LRIG2: variants seen among roughly 807,000 people sequenced by gnomAD.
The protein encoded by LRIG2 is leucine-rich repeats and immunoglobulin-like domains protein 2.
LRIG2 carries 93 observed loss-of-function variants against 107.8 expected under a neutral mutation model. The observed-to-expected ratio is 0.86, with a 90% confidence interval of 0.73 to 1.03. The LOEUF (loss-of-function observed/expected upper bound fraction) is 1.03, where lower values mean the gene tolerates loss of function less well. LRIG2 is among the 50% of genes least tolerant of loss of function. The pLI, the probability that LRIG2 is intolerant of heterozygous loss-of-function variation, is 0.00. For synonymous variants in LRIG2, 471 were observed against 470.6 expected (o/e 1.00, Z -0.01); for missense variants, 1,226 against 1,296.0 (o/e 0.95, Z 0.83).
intron 10 of LRIG2, 57 bp downstream of exon 10, chr1:113,100,339 G>A (rs1654253690): frequency 4.1e-6 from 6 of 1,468,662 alleles, no homozygotes; most frequent in Non-Finnish European, 4.7e-6. Flanking sequence ...TATTAGCAGA[G>A]GTTTTCATGA....
chr1:113,095,707 A>G (rs1654031309), intron 6 of LRIG2, among the ~76,000 whole-genome samples, 167 bp from the exon 7 acceptor site: 1 of 152,168 alleles, frequency 6.6e-6, no homozygotes, highest in African/African-American at 2.4e-5. Context: ...GTGCCCGGCC[A>G]AGCACTAAAT....
At chr1:113,100,180 G>C in intron 9 of LRIG2, 31 bp from the exon 10 acceptor site, 1 of 1,342,118 alleles carries the variant, frequency 7.5e-7, no homozygotes, top group Admixed American at 2.1e-5. Context: ...TTAGTGGAGA[G>C]CTTTCTTAGA....
chr1:113,110,665 A>G (rs930885143), intron 13 of LRIG2, 103 bp downstream of exon 13: 73 of 827,420 alleles, frequency 8.8e-5, no homozygotes, highest in Non-Finnish European at 1.2e-4. Flanking sequence ...TTTAAGTAGG[A>G]CTCTTACTGT....
chr1:113,111,474 G>A (rs1056255753), intron 13 of LRIG2, among the ~76,000 whole-genome samples: 2 of 151,998 alleles, frequency 1.3e-5, no homozygotes, highest in Non-Finnish European at 2.9e-5. Flanking sequence ...CCTAGCCCCC[G>A]CTCACCCTCT....
chr1:113,110,076 T>TC (rs1247817111), intron 12 of LRIG2, among the ~76,000 whole-genome samples, 166 bp from the exon 13 acceptor site: 1 of 152,138 alleles, frequency 6.6e-6, no homozygotes, highest in Non-Finnish European at 1.5e-5. Flanking sequence ...GGGCCTCATT[T>TC]CCCCCATCTT....
chr1:113,129,328 A>AAAAG lies in LRIG2; in HGVS notation c.*5227_*5228insAAAG, dbSNP rs57453736. On this transcript the variant is annotated 3_prime_UTR_variant, in exon 18 of 18. Transcript: ENST00000361127. ...CCGTCTCAAAAAAAAAAAAAAAAAAACCCGTGTAGGAGTACTGCCTCTCTG... is the reference window on the plus strand; with the variant it reads ...CCGTCTCAAAAAAAAAAAAAAAAAAAAAAGCCCGTGTAGGAGTACTGCCTCTCTG... 6.7e-6 allele frequency: 1 copy of AAAAG among 149,432 alleles called. No individual in the cohort carries two copies. The highest frequency in any genetic ancestry group is 6.7e-5 in the Admixed American group (1 of 14,914). 9.3% of individuals were successfully genotyped at this position (149,432 alleles called of 1,614,324 possible).
At chr1:113,086,179 A>C (rs1427419813) in intron 1 of LRIG2, among the ~76,000 whole-genome samples, 2 of 151,644 alleles carry the variant, frequency 1.3e-5, no homozygotes, top group African/African-American at 4.8e-5. Flanking sequence ...AATTTTTTAT[A>C]TTTTTAGTAG....
At chr1:113,082,258 C>G (rs1414331750) in intron 1 of LRIG2, among the ~76,000 whole-genome samples, 2 of 152,144 alleles carry the variant, frequency 1.3e-5, no homozygotes, top group Admixed American at 1.3e-4. Flanking sequence ...ATCTTCAAGA[C>G]ATTTTTGTTA....
Position 113,129,750 on chromosome 1 carries a change from T to C in LRIG2, c.*5649T>C, listed in dbSNP as rs1263240846. The C allele has an allele frequency of 6.6e-6, 1 of 152,166 alleles. No homozygotes were observed. Among genetic ancestry groups the C allele is most frequent in the Admixed American group, 6.5e-5 (1 of 15,272 alleles). 9.4% of individuals were successfully genotyped at this position (152,166 alleles called of 1,614,324 possible). A position where few individuals can be genotyped will look rare whatever the true frequency, so the allele number is the denominator to read the frequency against. The stretch of plus-strand genomic sequence containing the variant: ...CCCTAATGACCACTTTCAGGAGGAA[T>C]ACATACATTCTCTTGATTTGTTTGT... On this transcript the variant is annotated 3_prime_UTR_variant, in exon 18 of 18. Transcript: ENST00000361127.
chr1:113,104,021 C>T (rs4521992), intron 11 of LRIG2, among the ~76,000 whole-genome samples: 2,490 of 152,268 alleles, frequency 0.016, 28 homozygotes, highest in Non-Finnish European at 0.026. Flanking sequence ...GCATCTGAAT[C>T]CCCTCTGTTT....
intron 1 of LRIG2, among the ~76,000 whole-genome samples, chr1:113,078,266 T>C (rs1653084872): frequency 6.6e-6 from 1 of 150,392 alleles, no homozygotes; most frequent in Non-Finnish European, 1.5e-5. Context: ...TCAGATGGAG[T>C]CTTGCTGTGT....
In LRIG2 at chr1:113,130,507, G is replaced by C. The variant is rs1283366891; in HGVS notation, c.*6406G>C. Reference sequence around the variant, plus strand: ...TACTTGCTAATAAATTTTTGTGTAGGCTCTTTAGTAAATTTATCTGATAAT... The same window carrying C: ...TACTTGCTAATAAATTTTTGTGTAGCCTCTTTAGTAAATTTATCTGATAAT... On this transcript the variant is annotated 3_prime_UTR_variant, in exon 18 of 18. Transcript: ENST00000361127. 6.6e-6 allele frequency: 1 copy of C among 152,098 alleles called. No individual in the cohort carries two copies. The highest frequency in any genetic ancestry group is 2.4e-5 in the African/African-American group (1 of 41,396). 9.4% of individuals were successfully genotyped at this position (152,098 alleles called of 1,614,324 possible). A position where few individuals can be genotyped will look rare whatever the true frequency, so the allele number is the denominator to read the frequency against.
In LRIG2 at chr1:113,119,522, T is replaced by C. The variant is rs1570775150; in HGVS notation, c.2970T>C (p.Gly990=). The C allele has an allele frequency of 3.7e-6, 6 of 1,611,550 alleles. No homozygotes were observed. The highest frequency in any genetic ancestry group is 4.2e-6 in the Non-Finnish European group (5 of 1,178,954). Residue 990 remains glycine (G), a splice_region_variant and synonymous_variant, in exon 17 of 18, where the codon GGT becomes GGC. Coordinates refer to ENST00000361127, the MANE Select transcript of LRIG2 (RefSeq NM_014813.3). ...EKKLPSTQMS[G]ETLQRPVWNI... ...AACTTCCCTCCACACAGATGAGCGGTGGTAAGGGATGTATTTTTGTTGTTA... is the reference window on the plus strand; with the variant it reads ...AACTTCCCTCCACACAGATGAGCGGCGGTAAGGGATGTATTTTTGTTGTTA...
intron 8 of LRIG2, 48 bp from the exon 9 acceptor site, chr1:113,098,657 A>G (rs1400189617): frequency 9.1e-7 from 1 of 1,104,916 alleles, no homozygotes; most frequent in Non-Finnish European, 1.4e-6. Flanking sequence ...CAATGTTGTG[A>G]TGGTTGTATT....
chr1:113,119,128 C>T (rs1295716982), intron 16 of LRIG2, 105 bp from the exon 17 acceptor site: 2 of 1,016,654 alleles, frequency 2.0e-6, no homozygotes, highest in Non-Finnish European at 2.9e-6. Context: ...AGTAAGTGCT[C>T]AATACATGCT....
chr1:113,093,432 T>A lies in LRIG2; in HGVS notation c.383T>A (p.Val128Asp). The change falls in exon 4 of 18, where the codon GTC (valine) becomes GAC (aspartate). Residue 128 changes from valine to aspartate, a missense_variant and splice_region_variant. Transcript: ENST00000361127. ...PTSNITLLSLVHNIIPEINAQ... is the reference protein window; with the variant it reads ...PTSNITLLSLDHNIIPEINAQ... ...TCATTATAATCTTTGTTTTACAGAGTCCATAATATAATCCCAGAAATAAAT... is the reference window on the plus strand; with the variant it reads ...TCATTATAATCTTTGTTTTACAGAGACCATAATATAATCCCAGAAATAAAT... 6.2e-7 allele frequency: 1 copy of A among 1,613,854 alleles called. No homozygotes were observed.
rs144381457 is a variant in LRIG2, at chr1:113,086,196, G to T, written c.240-5122G>T. ...TTTTTTATATTTTTAGTAGAAATGG[G>T]GTTTCACCATGTTGGCAAGGCTGGT... On this transcript the variant is annotated intron_variant, in intron 1 of 17. Coordinates refer to ENST00000361127, the MANE Select transcript of LRIG2 (RefSeq NM_014813.3). Among the ~76,000 whole-genome samples the T allele has an allele frequency of 9.7e-4, 147 of 151,784 alleles. 1 individual carries two copies. The highest frequency in any genetic ancestry group is 3.1e-3 in the African/African-American group (128 of 41,380).
rs758638950 is a variant in LRIG2, at chr1:113,073,467, CT to C, written c.64del (p.Ser22LeufsTer81). The C allele has an allele frequency of 3.1e-6, 5 of 1,614,178 alleles. No individual in the cohort carries two copies. Among genetic ancestry groups the C allele is most frequent in the Non-Finnish European group, 4.2e-6 (5 of 1,180,030 alleles). ...EQLLGCRSRV[L>X]SRLLFIAQTA... ...GTTGCTGGGGTGTCGATCTAGAGTG[CT>C]TTCTCGGTTACTCTTCATTGCCCAG... On this transcript the variant is annotated frameshift_variant, in exon 1 of 18. Coordinates refer to ENST00000361127, the MANE Select transcript of LRIG2 (RefSeq NM_014813.3). LOFTEE classifies it high-confidence loss of function.
chr1:113,116,543 C>A (rs1570771314), intron 16 of LRIG2, 107 bp downstream of exon 16: 3 of 1,073,988 alleles, frequency 2.8e-6, no homozygotes, highest in Non-Finnish European at 4.0e-6. Flanking sequence ...AAGTAAGATA[C>A]CTAATGAAAG....
Sources: allele counts gnomAD v4.1 joint callset (sites outside exome capture counted in the v4.1 genomes callset), GRCh38; gene constraint gnomAD v4.1.1; transcripts MANE v1.5; gene names NCBI Gene and HGNC (gene_info 2026-07-23, HGNC 2026-07-21).